Variants in CRY1 observed in about 807,000 individuals in gnomAD.
The protein encoded by CRY1 is cryptochrome circadian regulator 1, also known as cryptochrome-1.
Under a neutral mutation model 76.0 loss-of-function variants are expected in CRY1, and 45 were observed. The ratio of observed to expected loss-of-function variants is 0.59; its 90% confidence interval spans 0.47 to 0.76. The LOEUF is 0.76. CRY1 is among the 30% of genes least tolerant of loss of function. The pLI, the probability that CRY1 is intolerant of heterozygous loss-of-function variation, is 0.00. For synonymous variants in CRY1, 248 were observed against 244.0 expected (o/e 1.02, Z -0.15); for missense variants, 587 against 716.4 (o/e 0.82, Z 2.06).
At chr12:107,053,241 T>C (rs978266530) in intron 1 of CRY1, among the ~76,000 whole-genome samples, 4 of 152,080 alleles carry the variant, frequency 2.6e-5, no homozygotes, top group Non-Finnish European at 5.9e-5. Context: ...TTTTTAAAAA[T>C]GAAGTACAGA....
At chr12:107,091,126 G>A (rs1240574367) in intron 1 of CRY1, among the ~76,000 whole-genome samples, 1 of 151,498 alleles carries the variant, frequency 6.6e-6, no homozygotes, top group Non-Finnish European at 1.5e-5. Context: ...TGCAACCTCC[G>A]TCTCCTAGGT....
At chr12:107,069,509 C>T (rs1358851240) in intron 1 of CRY1, among the ~76,000 whole-genome samples, 2 of 143,392 alleles carry the variant, frequency 1.4e-5, no homozygotes, top group Admixed American at 7.2e-5. Flanking sequence ...TTTTCAGGTG[C>T]CTGTAGCCAT....
At chr12:106,997,792 C>T (rs1952250300) in intron 8 of CRY1, 102 bp from the exon 9 acceptor site, 2 of 1,525,488 alleles carry the variant, frequency 1.3e-6, no homozygotes, top group East Asian at 4.6e-5. Flanking sequence ...TTTAAATGAT[C>T]TGTTTACCCT....
intron 1 of CRY1, among the ~76,000 whole-genome samples, chr12:107,075,065 A>G (rs1201471001): frequency 6.6e-6 from 1 of 152,122 alleles, no homozygotes; most frequent in Admixed American, 6.6e-5. Flanking sequence ...GTGATCTCCA[A>G]TTTATCAATT....
At chr12:106,999,469 A>C in intron 7 of CRY1, 82 bp downstream of exon 7, 1 of 1,330,534 alleles carries the variant, frequency 7.5e-7, no homozygotes, top group Non-Finnish European at 1.0e-6. Context: ...ATGAATCTAT[A>C]AACAGACAAC....
At chr12:107,092,578 G>A (rs1330105385) in intron 1 of CRY1, among the ~76,000 whole-genome samples, 1 of 152,156 alleles carries the variant, frequency 6.6e-6, no homozygotes, top group Non-Finnish European at 1.5e-5. Context: ...AGCACAGAAA[G>A]ACACATAACT....
chr12:107,045,483 C>A (rs1017970678), intron 1 of CRY1, among the ~76,000 whole-genome samples: 18 of 152,116 alleles, frequency 1.2e-4, no homozygotes, highest in African/African-American at 3.6e-4. Context: ...CGTGGCGAAA[C>A]CCTGTCTCTA....
intron 1 of CRY1, among the ~76,000 whole-genome samples, chr12:107,082,145 C>T (rs1454926669): frequency 6.6e-6 from 1 of 151,880 alleles, no homozygotes. Context: ...ACAAGAAGAG[C>T]AAATTATCTT....
At chr12:107,006,375 CA>C (rs556688637) in intron 2 of CRY1, among the ~76,000 whole-genome samples, 4,564 of 142,326 alleles carry the variant, frequency 0.032, 89 homozygotes, top group African/African-American at 0.067. Flanking sequence ...GGCTCCATCT[CA>C]AAAAAAAAAA....
At position 106,997,376 on chromosome 12, in the gene CRY1, T is replaced by C; in HGVS notation, c.1503A>G (p.Ala501=). The part of the protein sequence containing the change: ...LSRYRGLGLL[A]SVPSNPNGNG... ...TCCCATTAGGATTAGAAGGTACTGATGCCAGAAGACCTAAAGGACAAAAAA... is the reference window on the plus strand; with the variant it reads ...TCCCATTAGGATTAGAAGGTACTGACGCCAGAAGACCTAAAGGACAAAAAA... Residue 501 remains alanine, a synonymous_variant, in exon 10 of 13, where the codon GCA becomes GCG. Transcript: ENST00000008527. 1.2e-6 allele frequency: 2 copies of C among 1,613,894 alleles called. No individual in the cohort carries two copies. The highest frequency in any genetic ancestry group is 1.7e-6 in the Non-Finnish European group (2 of 1,179,910).
intron 2 of CRY1, among the ~76,000 whole-genome samples, chr12:107,010,917 GACA>G (rs1177785131): frequency 1.3e-5 from 2 of 152,102 alleles, no homozygotes; most frequent in Non-Finnish European, 2.9e-5. Flanking sequence ...TATTCCCTGA[GACA>G]ACAATATTGA....
chr12:107,067,319 C>T (rs991064017), intron 1 of CRY1, among the ~76,000 whole-genome samples: 1 of 152,118 alleles, frequency 6.6e-6, no homozygotes, highest in Admixed American at 6.5e-5. Context: ...TCTATACTAT[C>T]GACTCTATAT....
At chr12:107,076,834 CGA>C (rs543210132) in intron 1 of CRY1, among the ~76,000 whole-genome samples, 2 of 151,908 alleles carry the variant, frequency 1.3e-5, no homozygotes, top group Non-Finnish European at 2.9e-5. Flanking sequence ...TTTACAATGG[CGA>C]GTTCTCATGA....
chr12:107,029,020 A>C (rs1952647587), intron 1 of CRY1, among the ~76,000 whole-genome samples: 2 of 152,204 alleles, frequency 1.3e-5, no homozygotes, highest in South Asian at 4.1e-4. Flanking sequence ...CTTACATTAA[A>C]CATCTGGAAG....
chr12:107,083,272 A>T (rs1196521795), intron 1 of CRY1, among the ~76,000 whole-genome samples: 1 of 152,198 alleles, frequency 6.6e-6, no homozygotes, highest in Non-Finnish European at 1.5e-5. Flanking sequence ...TACAAAGAGG[A>T]GCTGGTACCA....
intron 2 of CRY1, among the ~76,000 whole-genome samples, chr12:107,010,077 T>C (rs1186235892): frequency 6.6e-6 from 1 of 152,134 alleles, no homozygotes. Context: ...ATAGGGCTAT[T>C]CAGGTTTTCT....
At chr12:107,052,705 T>C (rs938977570) in intron 1 of CRY1, among the ~76,000 whole-genome samples, 1 of 152,184 alleles carries the variant, frequency 6.6e-6, no homozygotes, top group African/African-American at 2.4e-5. Context: ...AGGAAACATT[T>C]TGTGCAGAGG....
At chr12:107,069,837 T>G (rs551842782) in intron 1 of CRY1, among the ~76,000 whole-genome samples, 3 of 149,582 alleles carry the variant, frequency 2.0e-5, no homozygotes, top group Non-Finnish European at 4.4e-5. Flanking sequence ...AACAAGACAA[T>G]TAAAAGGTAA....
chr12:107,001,721 T>C, intron 4 of CRY1, 43 bp downstream of exon 4: 4 of 1,444,696 alleles, frequency 2.8e-6, no homozygotes, highest in Non-Finnish European at 3.7e-6. Flanking sequence ...AATTTATGAT[T>C]TATTAACTTG....
Sources: allele counts gnomAD v4.1 joint callset (sites outside exome capture counted in the v4.1 genomes callset), GRCh38; gene constraint gnomAD v4.1.1; transcripts MANE v1.5; gene names NCBI Gene and HGNC (gene_info 2026-07-23, HGNC 2026-07-21).